The following CSMD1 variants were observed in gnomAD, a reference collection of about 807,000 sequenced individuals.
The protein encoded by CSMD1 is CUB and Sushi multiple domains 1, also known as CUB and sushi domain-containing protein 1.
Under a neutral mutation model 417.5 loss-of-function variants are expected in CSMD1, and 213 were observed. The ratio of observed to expected loss-of-function variants is 0.51; its 90% confidence interval spans 0.46 to 0.57. CSMD1 has a LOEUF of 0.57. Among genes scored for constraint, CSMD1 ranks in the 20% least tolerant of loss-of-function variants. CSMD1 has a pLI of 0.00. For synonymous variants in CSMD1, 2,862 were observed against 1,736.8 expected (o/e 1.65, Z -16.11); for missense variants, 6,923 against 4,529.7 (o/e 1.53, Z -15.17).
intron 1 of CSMD1, among the ~76,000 whole-genome samples, chr8:4,834,263 C>T (rs1800326237): frequency 6.6e-6 from 1 of 152,090 alleles, no homozygotes; most frequent in South Asian, 2.1e-4. Context: ...GGTAGGACAT[C>T]AAGTATCTAC....
chr8:3,629,278 G>T (rs1474031353), intron 7 of CSMD1, among the ~76,000 whole-genome samples: 4 of 150,316 alleles, frequency 2.7e-5, no homozygotes, highest in African/African-American at 9.8e-5. Flanking sequence ...TGAATAAGAT[G>T]CTTAATGGAA....
rs1373744018 is a variant in CSMD1 at position 3,175,478 on chromosome 8, TTCC to T, written c.5725+5629_5725+5631del. Among the ~76,000 whole-genome samples, 341 of 93,996 alleles carry T rather than the reference TTCC, an allele frequency of 3.6e-3. 7 individuals are homozygous for T. Among genetic ancestry groups the T allele is most frequent in the African/African-American group, 0.011 (245 of 22,806 alleles). The allele number at this position is 93,996 out of a possible 152,430, so 61.7% of individuals were successfully genotyped here. A position where few individuals can be genotyped will look rare whatever the true frequency, so the allele number is the denominator to read the frequency against. ...TCCTTCTTTCCTTCCTTCTTTTCCC[TTCC>T]TTCCTGCCTGCCTGCCTGCCTGCCT... On this transcript the variant is annotated intron_variant, in intron 37 of 69. Transcript: ENST00000635120.
chr8:3,697,139 C>T (rs924484616), intron 7 of CSMD1, among the ~76,000 whole-genome samples: 2 of 152,122 alleles, frequency 1.3e-5, no homozygotes, highest in Non-Finnish European at 2.9e-5. Flanking sequence ...ATCATTCAGT[C>T]TAAATTGGCT....
chr8:3,742,026 C>A (rs752967084), intron 6 of CSMD1, among the ~76,000 whole-genome samples: 1 of 144,542 alleles, frequency 6.9e-6, no homozygotes, highest in Non-Finnish European at 1.5e-5. Context: ...GGCTGGAATT[C>A]TCTCCTTTTC....
chr8:4,490,384 A>C (rs1210427623), intron 2 of CSMD1, among the ~76,000 whole-genome samples: 2 of 152,194 alleles, frequency 1.3e-5, no homozygotes, highest in Non-Finnish European at 2.9e-5. Flanking sequence ...CCCCTAACTT[A>C]GTTTCTAAGG....
rs75297655 is a variant in CSMD1, at chr8:4,024,067, A to T, written c.610+7838T>A. Among the ~76,000 whole-genome samples, 1,500 of 152,314 alleles carry T rather than the reference A, an allele frequency of 9.8e-3. 11 individuals are homozygous for T. The highest frequency in any genetic ancestry group is 0.016 in the Non-Finnish European group (1,110 of 68,022). ...TAGAGGCCAAAACAGGAGAGAAAAT[A>T]TACTAGAAAGAGTAGAAGCAAGAAT... On this transcript the variant is annotated intron_variant, in intron 4 of 69. Coordinates refer to ENST00000635120, the MANE Select transcript of CSMD1 (RefSeq NM_033225.6).
At chr8:3,719,314 G>T (rs1028267766) in intron 6 of CSMD1, among the ~76,000 whole-genome samples, 13 of 152,260 alleles carry the variant, frequency 8.5e-5, no homozygotes, top group African/African-American at 2.9e-4. Flanking sequence ...AGATAGCTGA[G>T]CTCCAATCTC....
intron 5 of CSMD1, among the ~76,000 whole-genome samples, chr8:3,993,030 C>A (rs1461768687): frequency 6.6e-5 from 10 of 152,200 alleles, no homozygotes; most frequent in African/African-American, 2.4e-4. Flanking sequence ...GGGTCCCTGG[C>A]TGGAGCCCTG....
chr8:4,444,410 G>A (rs562693007), intron 2 of CSMD1, among the ~76,000 whole-genome samples: 1 of 145,912 alleles, frequency 6.9e-6, no homozygotes, highest in Non-Finnish European at 1.5e-5. Flanking sequence ...TGCTGAATGT[G>A]GTGCTCAAAA....
At chr8:4,993,851 C>A (rs1012071206) in intron 1 of CSMD1, among the ~76,000 whole-genome samples, 25 of 152,094 alleles carry the variant, frequency 1.6e-4, no homozygotes, top group African/African-American at 5.6e-4. Context: ...GAGACCTTTG[C>A]CTATTGGTAC....
chr8:3,003,060 G>A (rs755024194), intron 52 of CSMD1, among the ~76,000 whole-genome samples: 1 of 152,118 alleles, frequency 6.6e-6, no homozygotes, highest in Non-Finnish European at 1.5e-5. Flanking sequence ...TTTTTCACCT[G>A]TTATCACTTT....
At chr8:4,213,387 G>A (rs911524243) in intron 3 of CSMD1, among the ~76,000 whole-genome samples, 3 of 152,094 alleles carry the variant, frequency 2.0e-5, no homozygotes, top group African/African-American at 7.2e-5. Flanking sequence ...AAATTTACAT[G>A]CTTCAATCCA....
At chr8:3,167,198 G>A (rs994100252) in intron 37 of CSMD1, among the ~76,000 whole-genome samples, 2 of 150,808 alleles carry the variant, frequency 1.3e-5, no homozygotes, top group Non-Finnish European at 2.9e-5. Context: ...GGCAGGAGAA[G>A]TGCTTGAACC....
chr8:3,703,576 C>T (rs1241999811), intron 7 of CSMD1, among the ~76,000 whole-genome samples: 5 of 152,134 alleles, frequency 3.3e-5, no homozygotes, highest in African/African-American at 1.2e-4. Flanking sequence ...AAACCCCAAA[C>T]TTTCAAGGGG....
intron 2 of CSMD1, among the ~76,000 whole-genome samples, chr8:4,587,364 T>C (rs937771329): frequency 1.3e-5 from 2 of 152,030 alleles, no homozygotes; most frequent in African/African-American, 4.8e-5. Context: ...AGCATCAAGT[T>C]CTTGATATAT....
chr8:4,041,275 C>T (rs1329681645), intron 3 of CSMD1, among the ~76,000 whole-genome samples: 2 of 142,276 alleles, frequency 1.4e-5, no homozygotes, highest in Non-Finnish European at 3.1e-5. Flanking sequence ...CCTCGGCCTC[C>T]CAAAGTACGG....
intron 1 of CSMD1, among the ~76,000 whole-genome samples, chr8:4,667,276 T>G (rs1804999419): frequency 2.0e-5 from 3 of 152,130 alleles, no homozygotes; most frequent in African/African-American, 7.2e-5. Context: ...AATCTTGAAA[T>G]CAGAGTGTGT....
intron 4 of CSMD1, among the ~76,000 whole-genome samples, chr8:4,017,424 C>G (rs2740938): frequency 0.54 from 82,115 of 151,922 alleles, 22,663 homozygotes; most frequent in East Asian, 0.67. Context: ...TCCTGCCTCA[C>G]TCTTCCTGAG....
intron 10 of CSMD1, among the ~76,000 whole-genome samples, chr8:3,497,096 T>A (rs1434680660): frequency 6.6e-6 from 1 of 152,216 alleles, no homozygotes; most frequent in East Asian, 1.9e-4. Context: ...TACCATGTAC[T>A]GATGAGAAAA....
Sources: allele counts gnomAD v4.1 joint callset (sites outside exome capture counted in the v4.1 genomes callset), GRCh38; gene constraint gnomAD v4.1.1; transcripts MANE v1.5; gene names NCBI Gene and HGNC (gene_info 2026-07-23, HGNC 2026-07-21).